Variants in TANGO6 observed in about 807,000 individuals in gnomAD.
TANGO6 encodes the protein transport and Golgi organization protein 6 homolog.
In TANGO6, 90 loss-of-function variants were observed where a neutral mutation model predicts 114.2. The ratio of observed to expected loss-of-function variants is 0.79; its 90% CI spans 0.66 to 0.94. The LOEUF (loss-of-function observed/expected upper bound fraction) is 0.94, where lower values mean the gene tolerates loss of function less well. TANGO6 is among the 40% of genes least tolerant of loss of function. TANGO6 has a pLI of 0.00. For synonymous variants in TANGO6, 477 were observed against 509.8 expected, an observed-to-expected ratio of 0.94 and a Z score of 0.87; for missense variants, 1,274 against 1,315.3, an observed-to-expected ratio of 0.97 and a Z score of 0.49.
chr16:69,019,057 A>G (rs115897470), intron 15 of TANGO6, among the ~76,000 whole-genome samples: 70 of 152,340 alleles, frequency 4.6e-4, no homozygotes, highest in African/African-American at 1.7e-3. Context: ...AGAGCTTTTC[A>G]TGTCAGTATA....
chr16:69,074,366 G>T (rs764770180), intron 17 of TANGO6, among the ~76,000 whole-genome samples: 1 of 152,006 alleles, frequency 6.6e-6, no homozygotes, highest in Non-Finnish European at 1.5e-5. Flanking sequence ...AATTCAGGGC[G>T]AGTCTGCAGT....
chr16:68,980,201 T>G (rs563121909), intron 15 of TANGO6, among the ~76,000 whole-genome samples: 68 of 151,852 alleles, frequency 4.5e-4, no homozygotes, highest in Middle Eastern at 6.8e-3. Context: ...ACCATTGACA[T>G]TTATATCATA....
At chr16:68,969,309 CCA>C (rs1483257329) in intron 14 of TANGO6, among the ~76,000 whole-genome samples, 2 of 152,074 alleles carry the variant, frequency 1.3e-5, no homozygotes, top group African/African-American at 4.8e-5. Context: ...GGCCGTGCTT[CCA>C]CAGAGTGTCT....
chr16:68,994,755 A>G (rs575927938), intron 15 of TANGO6, among the ~76,000 whole-genome samples: 1 of 149,050 alleles, frequency 6.7e-6, no homozygotes, highest in Non-Finnish European at 1.5e-5. Flanking sequence ...AAAAAAAAAA[A>G]TTTTTTTTTT....
chr16:68,890,193 C>A (rs1395719705), intron 7 of TANGO6, among the ~76,000 whole-genome samples: 1 of 152,138 alleles, frequency 6.6e-6, no homozygotes, highest in African/African-American at 2.4e-5. Flanking sequence ...TGTTTGTATT[C>A]CCACACATGT....
At chr16:68,980,324 A>G (rs1435902613) in intron 15 of TANGO6, among the ~76,000 whole-genome samples, 3 of 148,358 alleles carry the variant, frequency 2.0e-5, no homozygotes, top group Non-Finnish European at 4.5e-5. Context: ...TTTTTCTCTT[A>G]TATAGAAAAC....
chr16:69,083,563 C>T lies in TANGO6; in HGVS notation c.3187C>T (p.Leu1063Phe). The T allele has an allele frequency of 1.9e-6, 3 of 1,610,094 alleles. No individual in the cohort carries two copies. The highest frequency in any genetic ancestry group is 1.7e-6 in the Non-Finnish European group (2 of 1,178,290). Residue 1063 changes from leucine (L) to phenylalanine (F), a missense_variant, in exon 18 of 18, where the codon CTC (leucine) becomes TTC (phenylalanine). Physicochemically the swap from Leu to Phe is conservative, Grantham distance 22. Coordinates refer to ENST00000261778, the MANE Select transcript of TANGO6 (RefSeq NM_024562.2). ...VCLEPDDVAK[L>F]HAQLALEELD... ...TCTGGAGCCCGATGACGTGGCCAAGCTCCATGCCCAGTTGGCCCTAGAAGA... is the reference window on the plus strand; with the variant it reads ...TCTGGAGCCCGATGACGTGGCCAAGTTCCATGCCCAGTTGGCCCTAGAAGA...
At chr16:68,967,714 T>C (rs1963659679) in intron 14 of TANGO6, among the ~76,000 whole-genome samples, 1 of 152,206 alleles carries the variant, frequency 6.6e-6, no homozygotes, top group African/African-American at 2.4e-5. Context: ...AGTAGGTGGT[T>C]TTCCGGGTTG....
At chr16:68,852,412 TA>T (rs145824317) in intron 1 of TANGO6, among the ~76,000 whole-genome samples, 5,873 of 152,282 alleles carry the variant, frequency 0.039, 141 homozygotes, top group East Asian at 0.073. Flanking sequence ...TTACAAGGTA[TA>T]TTAGCTTTAG....
chr16:68,873,025 A>G (rs1261191698), intron 4 of TANGO6, among the ~76,000 whole-genome samples: 1 of 151,550 alleles, frequency 6.6e-6, no homozygotes, highest in African/African-American at 2.4e-5. Context: ...TTTTTTTTAA[A>G]GAGTACAGTT....
rs373008337 is a variant in TANGO6, at chr16:68,862,981, G to T, written c.772G>T (p.Ala258Ser). ...AGAGGAGAGAACCCTATCCAGGGGGGCCTTGAGAGACATGCTGGATCAAGT... is the reference window on the plus strand; with the variant it reads ...AGAGGAGAGAACCCTATCCAGGGGGTCCTTGAGAGACATGCTGGATCAAGT... ...TEEERTLSRGALRDMLDQVYQ... is the reference protein window; with the variant it reads ...TEEERTLSRGSLRDMLDQVYQ... The change falls in exon 3 of 18, where the codon GCC (alanine) becomes TCC (serine). Residue 258 changes from alanine to serine, a missense_variant. Ala to Ser is a moderately conservative substitution (Grantham distance 99). Coordinates refer to ENST00000261778, the MANE Select transcript of TANGO6 (RefSeq NM_024562.2). 10 of 1,599,874 alleles carry T rather than the reference G, an allele frequency of 6.3e-6. No homozygotes were observed. In the Middle Eastern group the frequency reaches 5.0e-4, roughly 79 times the overall value.
At chr16:68,900,378 C>T in intron 7 of TANGO6, 56 bp from the exon 8 acceptor site, 1 of 1,433,334 alleles carries the variant, frequency 7.0e-7, no homozygotes, top group Non-Finnish European at 9.8e-7. Context: ...TGTGTGATTC[C>T]CGTTGCTCTG....
intron 4 of TANGO6, among the ~76,000 whole-genome samples, chr16:68,873,930 A>G (rs1962316671): frequency 6.6e-6 from 1 of 152,194 alleles, no homozygotes; most frequent in Non-Finnish European, 1.5e-5. Flanking sequence ...ACTAAGTGTA[A>G]CAATACAGAT....
chr16:68,903,120 A>G (rs1408035454), intron 9 of TANGO6, among the ~76,000 whole-genome samples: 1 of 152,212 alleles, frequency 6.6e-6, no homozygotes, highest in Non-Finnish European at 1.5e-5. Flanking sequence ...GGTGACTGCT[A>G]TCCTGTTTGG....
At chr16:68,908,880 T>C (rs1251174474) in intron 10 of TANGO6, among the ~76,000 whole-genome samples, 6 of 152,228 alleles carry the variant, frequency 3.9e-5, no homozygotes, top group African/African-American at 1.4e-4. Flanking sequence ...TATGAGATTT[T>C]AGATTTTTAT....
chr16:68,874,306 A>G (rs1962323740), intron 4 of TANGO6, among the ~76,000 whole-genome samples: 1 of 152,166 alleles, frequency 6.6e-6, no homozygotes, highest in African/African-American at 2.4e-5. Flanking sequence ...TGCTATTGTT[A>G]TCGCCTGAAA....
At chr16:69,081,117 G>A (rs1306410094) in intron 17 of TANGO6, among the ~76,000 whole-genome samples, 2 of 152,064 alleles carry the variant, frequency 1.3e-5, no homozygotes, top group Non-Finnish European at 2.9e-5. Flanking sequence ...CAGCCTGAGC[G>A]ACAGAGCACA....
At chr16:68,968,635 G>A (rs1218929344) in intron 14 of TANGO6, among the ~76,000 whole-genome samples, 1 of 151,050 alleles carries the variant, frequency 6.6e-6, no homozygotes, top group Admixed American at 6.6e-5. Flanking sequence ...AAAGTGCTGG[G>A]ATTACAGGCG....
At chr16:69,034,014 C>T (rs183434722) in intron 16 of TANGO6, 2 of 153,086 alleles carry the variant, frequency 1.3e-5, no homozygotes, top group African/African-American at 4.8e-5. Context: ...GGCCACCGCA[C>T]CAGATTCAAG....
Sources: allele counts gnomAD v4.1 joint callset (sites outside exome capture counted in the v4.1 genomes callset), GRCh38; gene constraint gnomAD v4.1.1; transcripts MANE v1.5; gene names NCBI Gene and HGNC (gene_info 2026-07-23, HGNC 2026-07-21).